Variants in KLRF2 observed in about 807,000 individuals in gnomAD.
KLRF2 encodes the protein killer cell lectin like receptor F2.
KLRF2 carries 28 observed loss-of-function variants against 25.3 expected under a neutral mutation model. The observed-to-expected ratio is 1.11, with a 90% CI of 0.82 to 1.52. KLRF2 has a LOEUF of 1.52. Among genes scored for constraint, KLRF2 ranks in the 40% most tolerant of loss-of-function variants. KLRF2 has a pLI of 0.00. For missense variants in KLRF2, 265 were observed against 245.8 expected (o/e 1.08, Z -0.52); for synonymous variants, 73 against 85.0 (o/e 0.86, Z 0.78).
chr12:9,888,711 CT>C (rs1345879938), intron 2 of KLRF2, 21 bp from the exon 3 acceptor site: 2 of 1,387,732 alleles, frequency 1.4e-6, no homozygotes, highest in Non-Finnish European at 2.0e-6. Context: ...TTTCTCATAT[CT>C]TTTCTTTGCA....
intron 2 of KLRF2, among the ~76,000 whole-genome samples, chr12:9,888,416 G>A (rs900538132): frequency 6.6e-6 from 1 of 151,968 alleles, no homozygotes; most frequent in Non-Finnish European, 1.5e-5. Context: ...CGAGAACCTG[G>A]GAGTCGGAGC....
intron 2 of KLRF2, among the ~76,000 whole-genome samples, chr12:9,886,858 G>A (rs17733892): frequency 0.02 from 3,028 of 151,824 alleles, 50 homozygotes; most frequent in Middle Eastern, 0.045. Context: ...ACTGGTGGTC[G>A]GTGCAATAAG....
At chr12:9,882,870 A>G (rs1169704856) in intron 1 of KLRF2, among the ~76,000 whole-genome samples, 1 of 152,166 alleles carries the variant, frequency 6.6e-6, no homozygotes, top group Non-Finnish European at 1.5e-5. Context: ...TTAAATCTCA[A>G]TACTTTGATA....
At chr12:9,888,075 G>A (rs1591777301) in intron 2 of KLRF2, among the ~76,000 whole-genome samples, 8 of 86,154 alleles carry the variant, frequency 9.3e-5, no homozygotes, top group African/African-American at 3.0e-4. Flanking sequence ...AAAAAAAAAA[G>A]TTAAGAATAG....
chr12:9,886,184 T>A (rs2136996171), intron 2 of KLRF2, among the ~76,000 whole-genome samples: 1 of 152,318 alleles, frequency 6.6e-6, no homozygotes, highest in Non-Finnish European at 1.5e-5. Context: ...CCATATTTTT[T>A]ATTCTAATAA....
intron 1 of KLRF2, among the ~76,000 whole-genome samples, chr12:9,883,422 G>A (rs1398389444): frequency 6.6e-6 from 1 of 152,170 alleles, no homozygotes; most frequent in Non-Finnish European, 1.5e-5. Flanking sequence ...CATGTACTCA[G>A]CTCTCTGTTC....
At chr12:9,886,078 C>T (rs1241419361) in intron 2 of KLRF2, among the ~76,000 whole-genome samples, 1 of 151,968 alleles carries the variant, frequency 6.6e-6, no homozygotes, top group African/African-American at 2.4e-5. Flanking sequence ...ATAAATAATG[C>T]AATAATTATT....
At chr12:9,886,855 G>T (rs1591776720) in intron 2 of KLRF2, among the ~76,000 whole-genome samples, 1 of 151,918 alleles carries the variant, frequency 6.6e-6, no homozygotes, top group African/African-American at 2.4e-5. Context: ...TGGACTGGTG[G>T]TCGGTGCAAT....
intron 1 of KLRF2, among the ~76,000 whole-genome samples, chr12:9,883,933 A>T (rs1300710010): frequency 6.6e-6 from 1 of 152,210 alleles, no homozygotes; most frequent in African/African-American, 2.4e-5. Context: ...AGGTGATGAA[A>T]TTAAATGTTT....
chr12:9,890,546 G>T (rs1194768378), intron 3 of KLRF2, among the ~76,000 whole-genome samples: 2 of 152,146 alleles, frequency 1.3e-5, no homozygotes, highest in Non-Finnish European at 1.5e-5. Flanking sequence ...TGTCACTCTT[G>T]TACACCCTCC....
At chr12:9,886,726 G>A (rs538752335) in intron 2 of KLRF2, among the ~76,000 whole-genome samples, 50 of 148,160 alleles carry the variant, frequency 3.4e-4, no homozygotes, top group African/African-American at 1.1e-3. Context: ...TCAATCTGTC[G>A]GTCTATTTAC....
chr12:9,881,727 A>G, intron 1 of KLRF2, 62 bp downstream of exon 1: 1 of 1,170,088 alleles, frequency 8.5e-7, no homozygotes, highest in Non-Finnish European at 1.2e-6. Flanking sequence ...GAAGAGAATT[A>G]TCTTAGAATA....
At chr12:9,894,596 C>T (rs868565952) in intron 5 of KLRF2, among the ~76,000 whole-genome samples, 5 of 152,112 alleles carry the variant, frequency 3.3e-5, no homozygotes, top group South Asian at 2.1e-4. Flanking sequence ...TGAAGGGTCA[C>T]GTTTAGACAT....
intron 2 of KLRF2, among the ~76,000 whole-genome samples, chr12:9,885,333 G>GTA (rs35466208): frequency 0.02 from 3,045 of 149,258 alleles, 107 homozygotes; most frequent in African/African-American, 0.069. Flanking sequence ...CATTATTTAA[G>GTA]TATATATATA....
At chr12:9,882,746 A>G (rs1868107811) in intron 1 of KLRF2, among the ~76,000 whole-genome samples, 1 of 152,074 alleles carries the variant, frequency 6.6e-6, no homozygotes, top group Non-Finnish European at 1.5e-5. Flanking sequence ...ATGCCACTGC[A>G]CTCCAGCCTG....
intron 5 of KLRF2, among the ~76,000 whole-genome samples, chr12:9,894,408 C>T (rs1031476189): frequency 2.0e-5 from 3 of 152,032 alleles, no homozygotes; most frequent in Non-Finnish European, 4.4e-5. Context: ...GTCTCCAACT[C>T]CTGAGCTCAA....
At chr12:9,895,085 T>C (rs1370575585) in intron 5 of KLRF2, among the ~76,000 whole-genome samples, 6 of 152,218 alleles carry the variant, frequency 3.9e-5, no homozygotes, top group Admixed American at 2.0e-4. Context: ...CCTAACCTTA[T>C]ACTGTGGAAG....
chr12:9,881,961 C>T (rs965139297), intron 1 of KLRF2, among the ~76,000 whole-genome samples: 4 of 151,940 alleles, frequency 2.6e-5, no homozygotes, highest in African/African-American at 9.7e-5. Flanking sequence ...ACAGAAACTT[C>T]CTCCTACAAA....
chr12:9,884,253 A>C (rs1868126302), intron 1 of KLRF2, among the ~76,000 whole-genome samples: 1 of 152,068 alleles, frequency 6.6e-6, no homozygotes, highest in Non-Finnish European at 1.5e-5. Context: ...TATTCTTGCC[A>C]ACTCTAATGC....
Sources: allele counts gnomAD v4.1 joint callset (sites outside exome capture counted in the v4.1 genomes callset), GRCh38; gene constraint gnomAD v4.1.1; transcripts MANE v1.5; gene names NCBI Gene and HGNC (gene_info 2026-07-23, HGNC 2026-07-21).